PCDH7: variants seen among roughly 807,000 people sequenced by gnomAD.
The protein encoded by PCDH7 is protocadherin-7.
A neutral mutation model predicts 58.9 loss-of-function variants in PCDH7; 17 were observed. The observed-to-expected ratio is 0.29, with a 90% CI of 0.20 to 0.43. The LOEUF is 0.43. Among genes scored for constraint, PCDH7 ranks in the 20% least tolerant of loss-of-function variants. PCDH7 has a pLI of 1.00. For synonymous variants in PCDH7, 664 were observed against 616.4 expected (o/e 1.08, Z -1.14); for missense variants, 1,274 against 1,441.0 (o/e 0.88, Z 1.88).
chr4:31,063,155 T>A (rs1757820351), intron 3 of PCDH7, among the ~76,000 whole-genome samples: 2 of 151,836 alleles, frequency 1.3e-5, no homozygotes, highest in African/African-American at 4.8e-5. Context: ...TCCAGATAGA[T>A]CTATTATTAT....
At chr4:31,083,446 A>G (rs1018831962) in intron 3 of PCDH7, among the ~76,000 whole-genome samples, 4 of 152,186 alleles carry the variant, frequency 2.6e-5, no homozygotes, top group African/African-American at 7.2e-5. Flanking sequence ...TCTTTATCAC[A>G]GACCACTTAA....
chr4:31,012,153 A>T (rs1417080506), intron 3 of PCDH7, among the ~76,000 whole-genome samples: 1 of 152,166 alleles, frequency 6.6e-6, no homozygotes, highest in Non-Finnish European at 1.5e-5. Flanking sequence ...CTTGCAAGAA[A>T]AAAGCTACAT....
At chr4:30,757,146 GT>G (rs1172593909) in intron 1 of PCDH7, among the ~76,000 whole-genome samples, 26 of 152,304 alleles carry the variant, frequency 1.7e-4, no homozygotes, top group Admixed American at 5.2e-4. Flanking sequence ...TCAAATGACA[GT>G]TGGTTTCTGT....
intron 1 of PCDH7, among the ~76,000 whole-genome samples, chr4:30,752,525 C>G (rs1718666725): frequency 6.6e-6 from 1 of 151,962 alleles, no homozygotes; most frequent in Admixed American, 6.6e-5. Flanking sequence ...AGTAGTTTAG[C>G]CTTAATATTT....
intron 3 of PCDH7, among the ~76,000 whole-genome samples, chr4:31,058,824 C>T (rs931539091): frequency 2.0e-5 from 3 of 151,552 alleles, no homozygotes; most frequent in African/African-American, 4.8e-5. Flanking sequence ...GACAGTCATT[C>T]GAAAGGAGGA....
chr4:31,143,603 A>G (rs1308701606), downstream of PCDH7: 2 of 152,148 alleles, frequency 1.3e-5, no homozygotes, highest in African/African-American at 4.8e-5. Context: ...TATCAATTTC[A>G]CCAGTTATGA....
intron 1 of PCDH7, among the ~76,000 whole-genome samples, chr4:30,821,743 C>A (rs1420318176): frequency 6.6e-6 from 1 of 152,170 alleles, no homozygotes; most frequent in Non-Finnish European, 1.5e-5. Flanking sequence ...TTTTAGGACA[C>A]TGCTGCTGTA....
chr4:31,093,829 A>G (rs1320934479), intron 3 of PCDH7, among the ~76,000 whole-genome samples: 1 of 152,114 alleles, frequency 6.6e-6, no homozygotes. Context: ...GTGAAATTAA[A>G]TATGGGAAAG....
At chr4:30,960,155 G>GGA (rs1560535356) in intron 3 of PCDH7, among the ~76,000 whole-genome samples, 12 of 48,918 alleles carry the variant, frequency 2.5e-4, no homozygotes, top group African/African-American at 5.5e-4. Flanking sequence ...GGAAGGAAGG[G>GGA]AGGGAGGGAG....
chr4:30,829,584 C>G lies in PCDH7; in HGVS notation c.71-90569C>G, dbSNP rs140284750. Among the ~76,000 whole-genome samples, 38 of 152,110 alleles carry G rather than the reference C, an allele frequency of 2.5e-4. No individual in the cohort carries two copies. In the East Asian group the frequency reaches 7.2e-3, roughly 29 times the overall value. On this transcript the variant is annotated intron_variant, in intron 1 of 3. Transcript: ENST00000509759. ...CAACAGCCTGAACCCACAGATGCAG[C>G]CCTATTTCATGAAGCAATTGTCAGT... is the stretch of plus-strand genomic sequence containing the variant.
At chr4:30,778,610 G>C (rs1384636345) in intron 1 of PCDH7, among the ~76,000 whole-genome samples, 2 of 151,186 alleles carry the variant, frequency 1.3e-5, no homozygotes, top group Non-Finnish European at 3.0e-5. Flanking sequence ...ATTTTTTTTT[G>C]TATTTAACAC....
At chr4:30,914,691 G>A (rs1742197196) in intron 1 of PCDH7, among the ~76,000 whole-genome samples, 1 of 152,086 alleles carries the variant, frequency 6.6e-6, no homozygotes, top group Admixed American at 6.6e-5. Context: ...ATATAGCTGT[G>A]GCCTGAGGTA....
chr4:30,986,623 T>A (rs1750990399), intron 3 of PCDH7, among the ~76,000 whole-genome samples: 1 of 152,104 alleles, frequency 6.6e-6, no homozygotes, highest in Non-Finnish European at 1.5e-5. Context: ...AAGGTGATCT[T>A]TGCACAATTT....
chr4:30,878,241 T>C (rs571270165), intron 1 of PCDH7, among the ~76,000 whole-genome samples: 33 of 152,212 alleles, frequency 2.2e-4, no homozygotes, highest in Admixed American at 7.2e-4. Context: ...AGTTGTGAGG[T>C]CTGGATTTCA....
intron 1 of PCDH7, among the ~76,000 whole-genome samples, chr4:30,745,644 T>C (rs1394686562): frequency 1.3e-5 from 2 of 151,996 alleles, no homozygotes; most frequent in African/African-American, 4.8e-5. Context: ...CTGTCACTCT[T>C]GGTCCCTGCA....
chr4:30,990,712 T>C (rs184774774), intron 3 of PCDH7, among the ~76,000 whole-genome samples: 7 of 152,256 alleles, frequency 4.6e-5, no homozygotes, highest in Admixed American at 2.0e-4. Flanking sequence ...AAAATATTGA[T>C]GTCAATGATA....
At chr4:31,116,982 T>C (rs1471874997) in intron 3 of PCDH7, among the ~76,000 whole-genome samples, 2 of 152,140 alleles carry the variant, frequency 1.3e-5, no homozygotes. Flanking sequence ...ATTACAGGCA[T>C]GTGCCACCAC....
At chr4:30,773,446 T>C (rs2109280782) in intron 1 of PCDH7, among the ~76,000 whole-genome samples, 1 of 152,334 alleles carries the variant, frequency 6.6e-6, no homozygotes, top group South Asian at 2.1e-4. Context: ...CTCATAATCA[T>C]ACATTGTGTT....
intron 3 of PCDH7, among the ~76,000 whole-genome samples, chr4:31,036,826 A>T (rs566117948): frequency 6.6e-6 from 1 of 152,304 alleles, no homozygotes; most frequent in East Asian, 1.9e-4. Context: ...ATGGATTCAC[A>T]GTTCCACATG....
Sources: allele counts gnomAD v4.1 joint callset (sites outside exome capture counted in the v4.1 genomes callset), GRCh38; gene constraint gnomAD v4.1.1; transcripts MANE v1.5; gene names NCBI Gene and HGNC (gene_info 2026-07-23, HGNC 2026-07-21).